Variants in RSBN1L observed in about 807,000 individuals in gnomAD.
RSBN1L encodes the protein lysine-specific demethylase RSBN1L.
RSBN1L carries 30 observed loss-of-function variants against 67.7 expected under a neutral mutation model. That is an observed-to-expected ratio of 0.44 (90% CI 0.33 to 0.60). The LOEUF (loss-of-function observed/expected upper bound fraction) is 0.60, where lower values mean the gene tolerates loss of function less well. Among genes scored for constraint, RSBN1L ranks in the 20% least tolerant of loss-of-function variants. The probability of loss-of-function intolerance (pLI) is 0.02; values close to 1 mark genes in which losing one functional copy is unlikely to be tolerated. For synonymous variants in RSBN1L, 433 were observed against 387.0 expected, an observed-to-expected ratio of 1.12 and a Z score of -1.39; for missense variants, 992 against 1,031.7, an observed-to-expected ratio of 0.96 and a Z score of 0.53.
Position 77,749,531 on chromosome 7 carries a change from A to G in RSBN1L, c.811A>G (p.Met271Val). 1 of 1,611,622 alleles carries G rather than the reference A, an allele frequency of 6.2e-7. No homozygotes were observed. The change falls in exon 3 of 8, where the codon ATG (methionine) becomes GTG (valine). Residue 271 changes from methionine (M) to valine (V), a missense_variant. Met to Val is a conservative substitution (Grantham distance 21). Around this residue, in one of 7 missense-constraint regions of RSBN1L, gnomAD observed 575 missense variants for 483.2 expected, o/e 1.19. Coordinates refer to ENST00000334955, the MANE Select transcript of RSBN1L (RefSeq NM_198467.3). The part of the protein sequence containing the change: ...KENEKRKRPK[M>V]YSKSIQTICS... Reference sequence around the variant, plus strand: ...GAATGAAAAACGGAAGCGTCCGAAAATGTATAGCAAATCTATTCAGACCAT... The same window carrying G: ...GAATGAAAAACGGAAGCGTCCGAAAGTGTATAGCAAATCTATTCAGACCAT...
At chr7:77,765,377 ATAAT>A in intron 3 of RSBN1L, 114 bp from the exon 4 acceptor site, 1 of 813,672 alleles carries the variant, frequency 1.2e-6, no homozygotes, top group East Asian at 3.0e-5. Context: ...TTCTGAGATA[ATAAT>A]TTATTGCTAC....
chr7:77,743,463 T>TG (rs1562802796), intron 2 of RSBN1L, among the ~76,000 whole-genome samples: 1 of 37,254 alleles, frequency 2.7e-5, no homozygotes, highest in African/African-American at 2.4e-4. Context: ...AAGTTGGTTT[T>TG]GTTTTTTTTT....
chr7:77,726,592 G>T (rs1791206231), intron 1 of RSBN1L, among the ~76,000 whole-genome samples: 1 of 152,000 alleles, frequency 6.6e-6, no homozygotes, highest in Non-Finnish European at 1.5e-5. Context: ...GTGTTCCTCA[G>T]CTCGTTTAGT....
intron 1 of RSBN1L, among the ~76,000 whole-genome samples, chr7:77,705,553 C>A (rs1324816583): frequency 8.1e-6 from 1 of 123,124 alleles, no homozygotes; most frequent in Non-Finnish European, 1.6e-5. Flanking sequence ...GCTCTGTTGC[C>A]CAGGCTGGAG....
At chr7:77,750,200 ATTAC>A in intron 3 of RSBN1L, 136 bp downstream of exon 3, 1 of 413,952 alleles carries the variant, frequency 2.4e-6, no homozygotes, top group East Asian at 4.1e-5. Flanking sequence ...TTAAGAGTAA[ATTAC>A]TTTCTTGATG....
Position 77,749,976 on chromosome 7 carries a change from C to A in RSBN1L, c.1256C>A (p.Ser419Ter). ...TYLPDFLDYF[S>*]FNFPNSPVKM... ...TTACCTGACTTTTTAGACTATTTTT[C>A]ATTTAATTTTCCCAATTCACCAGTG... Residue 419 changes from serine to a stop codon, truncating the protein, a stop_gained, in exon 3 of 8, where the codon TCA becomes TAA. Coordinates refer to ENST00000334955, the MANE Select transcript of RSBN1L (RefSeq NM_198467.3). LOFTEE classifies it high-confidence loss of function. The A allele has an allele frequency of 6.2e-7, 1 of 1,613,616 alleles. No homozygotes were observed. Among genetic ancestry groups the A allele is most frequent in the Non-Finnish European group, 8.5e-7 (1 of 1,179,682 alleles).
intron 1 of RSBN1L, among the ~76,000 whole-genome samples, chr7:77,731,866 G>C (rs1245234076): frequency 2.0e-5 from 3 of 151,156 alleles, no homozygotes; most frequent in Admixed American, 6.6e-5. Flanking sequence ...TTGGTATGTG[G>C]ATATCCAGTT....
intron 2 of RSBN1L, among the ~76,000 whole-genome samples, chr7:77,741,928 C>A (rs1424817204): frequency 6.6e-6 from 1 of 151,878 alleles, no homozygotes; most frequent in Admixed American, 6.6e-5. Flanking sequence ...GTAAAGAATG[C>A]ATTTTGCCTG....
intron 1 of RSBN1L, among the ~76,000 whole-genome samples, chr7:77,725,244 C>CTTTTTTTTTTTTTTTT (rs779531960): frequency 0.013 from 925 of 73,532 alleles, 107 homozygotes; most frequent in African/African-American, 0.017. Flanking sequence ...AAGCCCCCCA[C>CTTTTTTTTTTTTTTTT]TTTTTTTTTT....
At chr7:77,770,541 A>T (rs2150433337) in intron 5 of RSBN1L, among the ~76,000 whole-genome samples, 1 of 152,018 alleles carries the variant, frequency 6.6e-6, no homozygotes, top group East Asian at 1.9e-4. Context: ...AAATTTAGCC[A>T]ATGTGGTGGT....
intron 1 of RSBN1L, among the ~76,000 whole-genome samples, chr7:77,724,432 CT>C (rs557313211): frequency 1.7e-3 from 225 of 136,334 alleles, no homozygotes; most frequent in Non-Finnish European, 1.6e-3. Context: ...TTTCTTTTTT[CT>C]TTTTTTTTTT....
chr7:77,700,493 A>G (rs545441361), intron 1 of RSBN1L, among the ~76,000 whole-genome samples: 87 of 152,334 alleles, frequency 5.7e-4, no homozygotes, highest in African/African-American at 1.9e-3. Flanking sequence ...TCTAATGAAA[A>G]TAGCAGCTTT....
chr7:77,763,149 C>CTTTTTTTTTTTTTTTTTTTTTT, intron 3 of RSBN1L, among the ~76,000 whole-genome samples: 1 of 126,942 alleles, frequency 7.9e-6, no homozygotes, highest in Non-Finnish European at 1.6e-5. Context: ...TATAATTTGA[C>CTTTTTTTTTTTTTTTTTTTTTT]TTTTTTTTTT....
rs906505046 is a variant in RSBN1L, at chr7:77,779,388, T to TA, written c.*229dup. On this transcript the variant is annotated 3_prime_UTR_variant, in exon 8 of 8. Coordinates refer to ENST00000334955, the MANE Select transcript of RSBN1L (RefSeq NM_198467.3). Reference sequence around the variant, plus strand: ...GCAGGTTTAAACATAAAGGAGTCTTTAAAAAAAAATCATTTACGTTGGAAT... The same window carrying TA: ...GCAGGTTTAAACATAAAGGAGTCTTTAAAAAAAAAATCATTTACGTTGGAAT... The TA allele has an allele frequency of 4.9e-4, 138 of 280,114 alleles. No homozygotes were observed. The highest frequency in any genetic ancestry group is 1.1e-3 in the Middle Eastern group (1 of 918). 17.4% of individuals were successfully genotyped at this position (280,114 alleles called of 1,614,324 possible). A position where few individuals can be genotyped will look rare whatever the true frequency, so the allele number is the denominator to read the frequency against.
At chr7:77,778,316 G>A in intron 6 of RSBN1L, 22 bp from the exon 7 acceptor site, 1 of 1,528,176 alleles carries the variant, frequency 6.5e-7, no homozygotes, top group Non-Finnish European at 8.9e-7. Flanking sequence ...GCAGATTCTT[G>A]TTATCTCGTT....
chr7:77,765,090 T>C (rs1015754369), intron 3 of RSBN1L, among the ~76,000 whole-genome samples: 4 of 152,194 alleles, frequency 2.6e-5, no homozygotes, highest in African/African-American at 7.2e-5. Context: ...GGGTCTAATT[T>C]TGAAAATGTT....
chr7:77,771,511 C>CTTTTTT (rs10630112), intron 5 of RSBN1L, among the ~76,000 whole-genome samples: 5 of 136,120 alleles, frequency 3.7e-5, no homozygotes, highest in African/African-American at 1.4e-4. Flanking sequence ...CTCAGCGACT[C>CTTTTTT]TTTTTTTTTT....
intron 5 of RSBN1L, among the ~76,000 whole-genome samples, chr7:77,770,737 A>G (rs931258440): frequency 6.6e-6 from 1 of 152,186 alleles, no homozygotes; most frequent in Non-Finnish European, 1.5e-5. Flanking sequence ...ATCTGGATGG[A>G]TATTCATGAC....
Position 77,759,256 on chromosome 7 carries a change from C to G in RSBN1L, c.1345-6239C>G, listed in dbSNP as rs1365765343. Among the ~76,000 whole-genome samples, 3 of 152,278 alleles carry G rather than the reference C, an allele frequency of 2.0e-5. No individual in the cohort carries two copies. In the East Asian group the frequency reaches 5.8e-4, roughly 29 times the overall value. On this transcript the variant is annotated intron_variant, in intron 3 of 7. Coordinates refer to ENST00000334955, the MANE Select transcript of RSBN1L (RefSeq NM_198467.3). Reference sequence around the variant, plus strand: ...TTTGACCAATTGTGCCTGCCCCATGCTCCCCAAATACTTAAGAACTGATCT... The same window carrying G: ...TTTGACCAATTGTGCCTGCCCCATGGTCCCCAAATACTTAAGAACTGATCT...
Sources: gnomAD v4.1 joint callset for allele counts (sites outside exome capture counted in the v4.1 genomes callset) on GRCh38, gnomAD v4.1.1 for gene constraint, gnomAD v4.1.1 regional missense constraint, MANE v1.5 for transcripts, NCBI Gene and HGNC (gene_info 2026-07-23, HGNC 2026-07-21) for gene names.